PTPRD: variants seen among roughly 807,000 people sequenced by gnomAD.
PTPRD encodes the protein protein tyrosine phosphatase receptor type D.
PTPRD carries 34 observed loss-of-function variants against 214.5 expected under a neutral mutation model. The ratio of observed to expected loss-of-function variants is 0.16; its 90% CI spans 0.12 to 0.21. The LOEUF (loss-of-function observed/expected upper bound fraction) is 0.21. PTPRD is among the 10% of genes least tolerant of loss of function. The pLI, the probability that PTPRD is intolerant of heterozygous loss-of-function variation, is 1.00. For synonymous variants in PTPRD, 1,128 were observed against 845.7 expected, an observed-to-expected ratio of 1.33 and a Z score of -5.79; for missense variants, 2,545 against 2,398.7, an observed-to-expected ratio of 1.06 and a Z score of -1.27.
At chr9:10,220,708 T>C (rs1025418389) in intron 3 of PTPRD, among the ~76,000 whole-genome samples, 8 of 151,892 alleles carry the variant, frequency 5.3e-5, no homozygotes. Context: ...CGTTTTTATA[T>C]TATTATAAGA....
At chr9:9,095,088 A>G (rs2099781605) in intron 10 of PTPRD, among the ~76,000 whole-genome samples, 1 of 152,202 alleles carries the variant, frequency 6.6e-6, no homozygotes, top group South Asian at 2.1e-4. Flanking sequence ...GATAGGCATT[A>G]AAAAACATGC....
chr9:9,747,446 T>A (rs758592284), intron 6 of PTPRD, among the ~76,000 whole-genome samples: 1 of 152,150 alleles, frequency 6.6e-6, no homozygotes, highest in Non-Finnish European at 1.5e-5. Context: ...TCCACATTCG[T>A]TACAAAACTG....
chr9:9,724,123 G>T (rs1006151962), intron 7 of PTPRD, among the ~76,000 whole-genome samples: 1 of 152,122 alleles, frequency 6.6e-6, no homozygotes, highest in East Asian at 1.9e-4. Flanking sequence ...TGTTATTGTT[G>T]TAGCTAAATT....
chr9:9,914,372 A>G (rs1251339037), intron 5 of PTPRD, among the ~76,000 whole-genome samples: 2 of 152,168 alleles, frequency 1.3e-5, no homozygotes, highest in African/African-American at 2.4e-5. Flanking sequence ...AGCAAAGAGT[A>G]TATGTCTTGG....
intron 2 of PTPRD, among the ~76,000 whole-genome samples, chr9:10,392,264 G>A (rs77175795): frequency 0.018 from 2,676 of 151,976 alleles, 79 homozygotes; most frequent in African/African-American, 0.061. Flanking sequence ...CTAGCCACAT[G>A]AGGATCAGGT....
chr9:9,324,118 T>C (rs1402435915), intron 9 of PTPRD, among the ~76,000 whole-genome samples: 2 of 152,210 alleles, frequency 1.3e-5, no homozygotes, highest in East Asian at 3.9e-4. Context: ...GTTCCAAGTC[T>C]TTGCTATTGT....
At chr9:8,321,694 AG>A (rs1828408122) in intron 44 of PTPRD, among the ~76,000 whole-genome samples, 2 of 151,644 alleles carry the variant, frequency 1.3e-5, no homozygotes, top group Admixed American at 1.3e-4. Flanking sequence ...TCTTTTCCTT[AG>A]AGATTATTTT....
chr9:9,962,647 A>G lies in PTPRD; in HGVS notation c.-471-24037T>C, dbSNP rs564602901. On this transcript the variant is annotated intron_variant, in intron 4 of 45. Transcript: ENST00000381196. ...ACGATTAACGGTAGACATAAATACT[A>G]TGTCCATCCATCCACCTTTTATACT... Among the ~76,000 whole-genome samples, 15 of 152,198 alleles carry G rather than the reference A, an allele frequency of 9.9e-5. No individual in the cohort carries two copies. In the South Asian group the frequency reaches 3.1e-3, roughly 32 times the overall value.
At chr9:8,747,498 G>C (rs987271404) in intron 11 of PTPRD, among the ~76,000 whole-genome samples, 1 of 151,932 alleles carries the variant, frequency 6.6e-6, no homozygotes, top group Non-Finnish European at 1.5e-5. Context: ...GAAGGAAAGG[G>C]AAATAAAAAG....
chr9:9,795,767 C>T (rs1333365756), intron 5 of PTPRD, among the ~76,000 whole-genome samples: 2 of 141,714 alleles, frequency 1.4e-5, no homozygotes, highest in African/African-American at 5.8e-5. Context: ...CTATTGTATC[C>T]TATTGTATCA....
intron 3 of PTPRD, among the ~76,000 whole-genome samples, chr9:10,207,805 A>G (rs764081412): frequency 5.3e-5 from 8 of 152,156 alleles, no homozygotes; most frequent in Admixed American, 1.3e-4. Flanking sequence ...TCCTGGAAGT[A>G]GGAAACACTA....
chr9:9,510,814 G>A (rs1377806852), intron 8 of PTPRD, among the ~76,000 whole-genome samples: 1 of 151,160 alleles, frequency 6.6e-6, no homozygotes, highest in Non-Finnish European at 1.5e-5. Context: ...TTTTCAATTT[G>A]GAAAACAACC....
At position 8,342,269 on chromosome 9, in the gene PTPRD, C is replaced by T. The variant is rs760787001; in HGVS notation, c.4662-291G>A. Among the ~76,000 whole-genome samples, 9 of 152,022 alleles carry T rather than the reference C, an allele frequency of 5.9e-5. No homozygotes were observed. The East Asian group carries it at 7.8e-4, about 13-fold the overall frequency. On this transcript the variant is annotated intron_variant, in intron 39 of 45. Transcript: ENST00000381196. ...ATGCAATACAAAGTGAACATTATTT[C>T]GAAAACTTTTGAAGTCATTATGAAA...
At chr9:10,310,992 A>G in intron 3 of PTPRD, among the ~76,000 whole-genome samples, 1 of 152,078 alleles carries the variant, frequency 6.6e-6, no homozygotes, top group African/African-American at 2.4e-5. Context: ...ATGGGAACCA[A>G]TTTGATTGCA....
chr9:9,665,139 G>A (rs1466124839), intron 7 of PTPRD, among the ~76,000 whole-genome samples: 3 of 151,596 alleles, frequency 2.0e-5, no homozygotes, highest in Non-Finnish European at 4.4e-5. Context: ...AGAGAGGGGT[G>A]AGGAATAATT....
Position 9,734,674 on chromosome 9 carries a change from A to G in PTPRD, c.-325-103T>C, listed in dbSNP as rs146742459. On this transcript the variant is annotated intron_variant, in intron 6 of 45. Transcript: ENST00000381196. ...ATTCTACAATATTATTCTATTTACAAGTACTGCTGGCTGAATAAACACTTT... is the reference window on the plus strand; with the variant it reads ...ATTCTACAATATTATTCTATTTACAGGTACTGCTGGCTGAATAAACACTTT... 381 of 152,292 alleles carry G rather than the reference A, an allele frequency of 2.5e-3. 3 individuals carry two copies. The highest frequency in any genetic ancestry group is 8.8e-3 in the African/African-American group (364 of 41,588). The allele number at this position is 152,292 out of a possible 1,614,324, so 9.4% of individuals were successfully genotyped here.
At chr9:9,105,613 T>C (rs2099797382) in intron 10 of PTPRD, among the ~76,000 whole-genome samples, 1 of 152,178 alleles carries the variant, frequency 6.6e-6, no homozygotes, top group Admixed American at 6.5e-5. Context: ...TAGAGGTGAC[T>C]GAGTACTTCA....
chr9:9,640,151 G>C (rs2095890639), intron 7 of PTPRD, among the ~76,000 whole-genome samples: 1 of 152,178 alleles, frequency 6.6e-6, no homozygotes, highest in Admixed American at 6.5e-5. Flanking sequence ...CAGATATGTG[G>C]TGTTGGGCAA....
chr9:9,361,265 C>A (rs2056037497), intron 9 of PTPRD, among the ~76,000 whole-genome samples: 1 of 150,990 alleles, frequency 6.6e-6, no homozygotes. Context: ...CCCTTCAATT[C>A]ATTTGAGATC....
Sources: gnomAD v4.1 joint callset for allele counts (sites outside exome capture counted in the v4.1 genomes callset) on GRCh38, gnomAD v4.1.1 for gene constraint, MANE v1.5 for transcripts, NCBI Gene and HGNC (gene_info 2026-07-23, HGNC 2026-07-21) for gene names.